NUP210: variants seen among roughly 807,000 people sequenced by gnomAD.
NUP210 encodes the protein nucleoporin 210.
A neutral mutation model predicts 196.0 loss-of-function variants in NUP210; 151 were observed. That is an observed-to-expected ratio of 0.77 (90% CI 0.67 to 0.88). The LOEUF (loss-of-function observed/expected upper bound fraction) is 0.88. Among genes scored for constraint, NUP210 ranks in the 40% least tolerant of loss-of-function variants. The pLI, the probability that NUP210 is intolerant of heterozygous loss-of-function variation, is 0.00. For missense variants in NUP210, 2,314 were observed against 2,493.7 expected (o/e 0.93, Z 1.53); for synonymous variants, 1,070 against 1,052.7 (o/e 1.02, Z -0.32).
At chr3:13,417,946 A>G (rs897132409) in intron 1 of NUP210, among the ~76,000 whole-genome samples, 4 of 152,256 alleles carry the variant, frequency 2.6e-5, no homozygotes, top group African/African-American at 9.6e-5. Flanking sequence ...AGTTTAGAAA[A>G]AGAAAAAAGT....
Position 13,353,965 on chromosome 3 carries a change from G to A in NUP210, c.2471C>T (p.Pro824Leu), listed in dbSNP as rs1698075049. The A allele has an allele frequency of 1.2e-6, 2 of 1,610,106 alleles. No individual in the cohort carries two copies. The highest frequency in any genetic ancestry group is 1.3e-5 in the African/African-American group (1 of 74,890). The part of the protein sequence containing the change: ...PVLASIEPEL[P>L]MQLVSQDDES... ...ATCGTCCTGGGACACCAGCTGCATG[G>A]GCAGCTCAGGCTCGATGCTGGCCAA... The change falls in exon 17 of 40, where the codon CCC becomes CTC. Residue 824 changes from proline to leucine, a missense_variant. By Grantham distance (98) the Pro-to-Leu change is moderately conservative. Coordinates refer to ENST00000254508, the MANE Select transcript of NUP210 (RefSeq NM_024923.4).
chr3:13,321,798 C>T lies in NUP210; in HGVS notation c.4953G>A (p.Thr1651=), dbSNP rs372142234. 1.7e-5 allele frequency: 28 copies of T among 1,609,828 alleles called. No homozygotes were observed. The highest frequency in any genetic ancestry group is 1.6e-4 in the Middle Eastern group (1 of 6,084). The part of the protein sequence containing the change: ...YFCSITMHRL[T]DKQRKHLSMK... ...TGCTCAGGTGCTTCCGCTGCTTGTC[C>T]GTCAGCCTGTGCATTGTGATTGAGC... Residue 1651 remains threonine (T), a synonymous_variant, in exon 36 of 40, where the codon ACG becomes ACA. Coordinates refer to ENST00000254508, the MANE Select transcript of NUP210 (RefSeq NM_024923.4).
At chr3:13,360,874 A>C (rs1698347395) in intron 14 of NUP210, among the ~76,000 whole-genome samples, 1 of 152,208 alleles carries the variant, frequency 6.6e-6, no homozygotes, top group African/African-American at 2.4e-5. Flanking sequence ...TGTTCATCAC[A>C]CTATTATTTC....
intron 13 of NUP210, among the ~76,000 whole-genome samples, chr3:13,369,363 C>G (rs1478949555): frequency 6.6e-6 from 1 of 152,150 alleles, no homozygotes; most frequent in Non-Finnish European, 1.5e-5. Context: ...TTCTCCCATT[C>G]TGTAGGTTGC....
Position 13,317,638 on chromosome 3 carries a change from C to T in NUP210, c.*43G>A, listed in dbSNP as rs201366337. ...AGGGATGTTCCATCTTGGGGGTGCA[C>T]GAGGCTCGGCTGAGACCCATCCTCC... On this transcript the variant is annotated 3_prime_UTR_variant, in exon 40 of 40. Transcript: ENST00000254508. The T allele has an allele frequency of 1.2e-4, 172 of 1,408,414 alleles. No individual in the cohort carries two copies. The highest frequency in any genetic ancestry group is 2.1e-4 in the South Asian group (17 of 81,912). 87.2% of individuals were successfully genotyped at this position (1,408,414 alleles called of 1,614,324 possible).
chr3:13,382,151 T>A (rs1699125171), intron 6 of NUP210, among the ~76,000 whole-genome samples: 1 of 152,228 alleles, frequency 6.6e-6, no homozygotes, highest in Non-Finnish European at 1.5e-5. Context: ...TCCACTCAAG[T>A]TCTCTTCAGA....
chr3:13,360,545 G>A (rs1196210017), intron 14 of NUP210, 54 bp from the exon 15 acceptor site: 19 of 1,428,272 alleles, frequency 1.3e-5, no homozygotes, highest in Non-Finnish European at 1.5e-5. Context: ...GCACGGGCAG[G>A]AGCCGGGCAT....
intron 13 of NUP210, among the ~76,000 whole-genome samples, chr3:13,369,786 G>A (rs916636568): frequency 5.3e-5 from 8 of 152,334 alleles, no homozygotes; most frequent in Middle Eastern, 3.4e-3. Flanking sequence ...TGCCAGCACC[G>A]TGTTGAGAGA....
Position 13,323,105 on chromosome 3 carries a change from G to A in NUP210, c.4768+204C>T, listed in dbSNP as rs1224695012. On this transcript the variant is annotated intron_variant, in intron 34 of 39. Coordinates refer to ENST00000254508, the MANE Select transcript of NUP210 (RefSeq NM_024923.4). This position sits in a 1 kb window ranked among gnomAD's most constrained non-coding sequence, Gnocchi z 4.3. ...CCTTCTGGGAGCTGGGCTCCATTATGAAGATTCCTTTCACTGGCTCAGCTT... is the reference window on the plus strand; with the variant it reads ...CCTTCTGGGAGCTGGGCTCCATTATAAAGATTCCTTTCACTGGCTCAGCTT... Among the ~76,000 whole-genome samples, 7 of 152,222 alleles carry A rather than the reference G, an allele frequency of 4.6e-5. No individual in the cohort carries two copies. Among genetic ancestry groups the A allele is most frequent in the African/African-American group, 1.7e-4 (7 of 41,456 alleles).
intron 15 of NUP210, 28 bp from the exon 16 acceptor site, chr3:13,358,423 C>A (rs1176295493): frequency 1.3e-6 from 2 of 1,581,830 alleles, no homozygotes. Flanking sequence ...ACAGTCAGAC[C>A]CCCAAGCTTG....
At position 13,327,377 on chromosome 3, in the gene NUP210, G is replaced by T; in HGVS notation, c.4347C>A (p.Val1449=). 2 of 1,613,564 alleles carry T rather than the reference G, an allele frequency of 1.2e-6. No homozygotes were observed. The highest frequency in any genetic ancestry group is 1.7e-6 in the Non-Finnish European group (2 of 1,180,018). ...CACGGAGCAGTGTCAGGCCCACGCT[G>T]ACTGTGCGGACAACGCAGGTGTTGT... The part of the protein sequence containing the change: ...PTNNTCVVRT[V]SVGLTLLRVW... Residue 1449 remains valine, a synonymous_variant, in exon 32 of 40, where the codon GTC becomes GTA. Transcript: ENST00000254508.
At chr3:13,373,588 G>A in intron 12 of NUP210, 130 bp downstream of exon 12, 1 of 836,936 alleles carries the variant, frequency 1.2e-6, no homozygotes, top group Non-Finnish European at 1.9e-6. Flanking sequence ...GGAAGGGCTG[G>A]GGCTTGAGCT....
chr3:13,359,893 C>T (rs1698311740), intron 15 of NUP210, among the ~76,000 whole-genome samples: 1 of 152,212 alleles, frequency 6.6e-6, no homozygotes, highest in Non-Finnish European at 1.5e-5. Context: ...CAAGAACCAA[C>T]AAGATGTGTC....
intron 16 of NUP210, chr3:13,354,428 T>C: frequency 2.9e-6 from 1 of 342,704 alleles, no homozygotes; most frequent in African/African-American, 2.1e-5. Context: ...TCGGGAGAGG[T>C]CCATGATGCT....
chr3:13,388,440 A>G lies in NUP210; in HGVS notation c.547T>C (p.Leu183=). 1 of 1,597,044 alleles carries G rather than the reference A, an allele frequency of 6.3e-7. No homozygotes were observed. Among genetic ancestry groups the G allele is most frequent in the Non-Finnish European group, 8.5e-7 (1 of 1,174,700 alleles). ...SHNALRILTF[L]ESTYIPPSYI... ...GAAGGAGGGATGTACGTAGACTCCAAGAAAGTGAGGATTCTGGAAAAGGAG... is the reference window on the plus strand; with the variant it reads ...GAAGGAGGGATGTACGTAGACTCCAGGAAAGTGAGGATTCTGGAAAAGGAG... Residue 183 remains leucine, a synonymous_variant, in exon 5 of 40, where the codon TTG becomes CTG. Coordinates refer to ENST00000254508, the MANE Select transcript of NUP210 (RefSeq NM_024923.4).
rs1482961816 is a variant in NUP210 at position 13,340,015 on chromosome 3, G to A, written c.3310C>T (p.Pro1104Ser). The change falls in exon 25 of 40, where the codon CCC (proline) becomes TCC (serine). Residue 1104 changes from proline (P) to serine (S), a missense_variant. By Grantham distance (74) the Pro-to-Ser change is moderately conservative. Coordinates refer to ENST00000254508, the MANE Select transcript of NUP210 (RefSeq NM_024923.4). This position sits in a 1 kb window ranked among gnomAD's most constrained non-coding sequence, Gnocchi z 4.0. The part of the protein sequence containing the change: ...ATMQVTSEGG[P>S]QPQSNILFSI... ...AAAAGGATGTTGGACTGAGGCTGGG[G>A]GCCGCCCTCGGAGGTGACCTGAGCG... 3 of 1,613,916 alleles carry A rather than the reference G, an allele frequency of 1.9e-6. No homozygotes were observed. Among genetic ancestry groups the A allele is most frequent in the South Asian group, 1.1e-5 (1 of 91,088 alleles).
intron 8 of NUP210, among the ~76,000 whole-genome samples, chr3:13,377,821 G>GAGGCCCCACACCACCCACCTGC (rs1157545532): frequency 2.9e-5 from 4 of 137,406 alleles, no homozygotes; most frequent in African/African-American, 5.5e-5. Context: ...CACTTACCTG[G>GAGGCCCCACACCACCCACCTGC]AGGCCCCACA....
At position 13,340,466 on chromosome 3, in the gene NUP210, C is replaced by T. The variant is rs1389040970; in HGVS notation, c.3229-168G>A. The stretch of plus-strand genomic sequence containing the variant: ...GTCCTGGGCCAATGCTGGGGGCTGT[C>T]TCCCAGCCACTGGCCGAGGCTCCCT... On this transcript the variant is annotated intron_variant, in intron 23 of 39. Coordinates refer to ENST00000254508, the MANE Select transcript of NUP210 (RefSeq NM_024923.4). This position sits in a 1 kb window ranked among gnomAD's most constrained non-coding sequence, Gnocchi z 4.0. 1.3e-5 allele frequency among the ~76,000 whole-genome samples: 2 copies of T among 152,192 alleles called. No individual in the cohort carries two copies. The highest frequency in any genetic ancestry group is 2.4e-5 in the African/African-American group (1 of 41,458).
rs116555358 is a variant in NUP210 at position 13,396,272 on chromosome 3, A to G, written c.436+1085T>C. ...ATTACTCAACCCCAAATGTCAATCA[A>G]TACTATCTAGGCTAAGAAATCCTGA... On this transcript the variant is annotated intron_variant, in intron 3 of 39. Coordinates refer to ENST00000254508, the MANE Select transcript of NUP210 (RefSeq NM_024923.4). Among the ~76,000 whole-genome samples, 615 of 152,336 alleles carry G rather than the reference A, an allele frequency of 4.0e-3. 4 individuals carry two copies. Among genetic ancestry groups the G allele is most frequent in the African/African-American group, 0.014 (593 of 41,564 alleles).
Sources: allele counts gnomAD v4.1 joint callset (sites outside exome capture counted in the v4.1 genomes callset), GRCh38; gene constraint gnomAD v4.1.1; non-coding constraint Gnocchi (gnomAD v3.1); transcripts MANE v1.5; gene names NCBI Gene and HGNC (gene_info 2026-07-23, HGNC 2026-07-21).